The following POLN variants were observed in gnomAD, a reference collection of about 807,000 sequenced individuals.
POLN encodes the protein DNA polymerase nu, also known as DNA polymerase N.
POLN carries 108 observed loss-of-function variants against 113.5 expected under a neutral mutation model. That is an observed-to-expected ratio of 0.95 (90% confidence interval 0.81 to 1.12). The LOEUF (loss-of-function observed/expected upper bound fraction) is 1.12, where lower values mean the gene tolerates loss of function less well. POLN is among the 50% of genes most tolerant of loss of function. The pLI is 0.00. For missense variants in POLN, 1,097 were observed against 1,077.1 expected, an observed-to-expected ratio of 1.02 and a Z score of -0.26; for synonymous variants, 386 against 391.5, an observed-to-expected ratio of 0.99 and a Z score of 0.17.
chr4:2,238,639 C>T (rs2108779852), intron 2 of POLN: 7 of 1,608,924 alleles, frequency 4.4e-6, no homozygotes, highest in Non-Finnish European at 5.1e-6. Flanking sequence ...CAATGGTATT[C>T]CTTGGATTTA....
At chr4:2,168,545 A>G (rs1211713811) in intron 13 of POLN, among the ~76,000 whole-genome samples, 2 of 152,260 alleles carry the variant, frequency 1.3e-5, no homozygotes, top group Non-Finnish European at 2.9e-5. Context: ...TTGTCTTAAC[A>G]AGAGAGCACA....
intron 10 of POLN, among the ~76,000 whole-genome samples, 188 bp downstream of exon 10, chr4:2,174,503 T>C (rs1026994533): frequency 6.6e-6 from 1 of 152,138 alleles, no homozygotes; most frequent in African/African-American, 2.4e-5. Context: ...ACCTCGAGTC[T>C]TTCCACACCA....
chr4:2,228,449 C>CT (rs543279920), intron 3 of POLN: 17 of 225,894 alleles, frequency 7.5e-5, no homozygotes, highest in South Asian at 6.8e-4. Context: ...TGCCATTCTC[C>CT]TGCCTCAGCC....
intron 5 of POLN, among the ~76,000 whole-genome samples, chr4:2,202,618 G>A (rs112085043): frequency 3.3e-4 from 50 of 151,500 alleles, no homozygotes; most frequent in African/African-American, 1.2e-3. Flanking sequence ...CAGCTACTTG[G>A]GAGGCTGAGA....
At chr4:2,200,758 A>G (rs1733690061) in intron 5 of POLN, among the ~76,000 whole-genome samples, 1 of 152,164 alleles carries the variant, frequency 6.6e-6, no homozygotes, top group African/African-American at 2.4e-5. Context: ...GCCTACCCAA[A>G]TGAGAAGGAA....
chr4:2,100,658 G>C (rs919516027), intron 19 of POLN, among the ~76,000 whole-genome samples: 6 of 152,110 alleles, frequency 3.9e-5, no homozygotes, highest in African/African-American at 1.4e-4. Flanking sequence ...AATGAGAACA[G>C]TCAGGCCAAA....
chr4:2,091,796 T>TGC (rs200447642), intron 20 of POLN, among the ~76,000 whole-genome samples: 13,430 of 133,668 alleles, frequency 0.1, 911 homozygotes, highest in Non-Finnish European at 0.14. Context: ...TGTGTGTGTG[T>TGC]GTGTGCGCGC....
At chr4:2,164,186 C>T (rs1732669132) in intron 13 of POLN, among the ~76,000 whole-genome samples, 1 of 152,082 alleles carries the variant, frequency 6.6e-6, no homozygotes, top group South Asian at 2.1e-4. Context: ...TAATGAGTAT[C>T]CCCCATTCTC....
chr4:2,132,003 G>T (rs1198741833), intron 16 of POLN, among the ~76,000 whole-genome samples: 1 of 152,084 alleles, frequency 6.6e-6, no homozygotes, highest in Non-Finnish European at 1.5e-5. Context: ...TGACTCCCTG[G>T]CTAAATCTGA....
chr4:2,165,582 T>C (rs914070010), intron 13 of POLN, among the ~76,000 whole-genome samples: 11 of 152,084 alleles, frequency 7.2e-5, no homozygotes, highest in African/African-American at 1.9e-4. Flanking sequence ...CAAGAGTATA[T>C]TGTGTAACTA....
intron 20 of POLN, among the ~76,000 whole-genome samples, chr4:2,091,815 T>C (rs1333143005): frequency 1.4e-5 from 2 of 146,632 alleles, no homozygotes; most frequent in African/African-American, 2.5e-5. Flanking sequence ...GCGCTACAAT[T>C]TGACGTTTAG....
intron 25 of POLN, among the ~76,000 whole-genome samples, chr4:2,072,574 G>A (rs561147378): frequency 7.2e-5 from 11 of 152,336 alleles, no homozygotes; most frequent in South Asian, 4.1e-4. Flanking sequence ...GGTAGGCTGC[G>A]GCCGGCAGAC....
At chr4:2,225,571 G>T (rs1417190475) in intron 3 of POLN, among the ~76,000 whole-genome samples, 1 of 147,264 alleles carries the variant, frequency 6.8e-6, no homozygotes, top group Non-Finnish European at 1.5e-5. Flanking sequence ...AGAAAGAAAA[G>T]AAAAGAAAAT....
intron 4 of POLN, among the ~76,000 whole-genome samples, chr4:2,210,643 C>T (rs1733970749): frequency 1.4e-5 from 2 of 146,598 alleles, no homozygotes; most frequent in South Asian, 4.2e-4. Flanking sequence ...AAAAAAGAGG[C>T]CGGGCATGGT....
Position 2,195,922 on chromosome 4 carries a change from C to T in POLN, c.908+2602G>A, listed in dbSNP as rs142057810. ...AATTAAATAAGTGATTTAGATGATC[C>T]TAATCAATGGACAAAACCATTAAGG... On this transcript the variant is annotated intron_variant, in intron 6 of 25. Transcript: ENST00000511885. 3.9e-5 allele frequency among the ~76,000 whole-genome samples: 6 copies of T among 152,082 alleles called. No homozygotes were observed. The East Asian group carries it at 9.6e-4, about 24-fold the overall frequency.
At chr4:2,116,562 A>C (rs544554341) in intron 19 of POLN, among the ~76,000 whole-genome samples, 69 of 151,592 alleles carry the variant, frequency 4.6e-4, no homozygotes, top group African/African-American at 1.6e-3. Flanking sequence ...AAAAAAAAAA[A>C]ACCCAAATCC....
At chr4:2,098,385 C>T (rs1730846740) in intron 19 of POLN, among the ~76,000 whole-genome samples, 1 of 152,148 alleles carries the variant, frequency 6.6e-6, no homozygotes, top group Admixed American at 6.5e-5. Context: ...TGCCACTGCA[C>T]TCCAGCCTGG....
At chr4:2,148,043 C>T (rs1267526430) in intron 16 of POLN, among the ~76,000 whole-genome samples, 1 of 152,106 alleles carries the variant, frequency 6.6e-6, no homozygotes. Context: ...CTCCCATTCT[C>T]ATGGAATTTA....
At chr4:2,077,454 G>T (rs1730303204) in intron 23 of POLN, among the ~76,000 whole-genome samples, 1 of 152,216 alleles carries the variant, frequency 6.6e-6, no homozygotes, top group South Asian at 2.1e-4. Context: ...CCCCAGGGAG[G>T]GGGAGGTGGG....
Sources: allele counts gnomAD v4.1 joint callset (sites outside exome capture counted in the v4.1 genomes callset), GRCh38; gene constraint gnomAD v4.1.1; transcripts MANE v1.5; gene names NCBI Gene and HGNC (gene_info 2026-07-23, HGNC 2026-07-21).